Variants in NBEA observed in about 807,000 individuals in gnomAD.
NBEA encodes neurobeachin, also known as lysosomal-trafficking regulator 2.
Under a neutral mutation model 343.4 loss-of-function variants are expected in NBEA, and 44 were observed. That is an observed-to-expected ratio of 0.13 (90% confidence interval 0.10 to 0.16). NBEA has a LOEUF of 0.16. Among genes scored for constraint, NBEA ranks in the 10% least tolerant of loss-of-function variants. NBEA has a pLI of 1.00. For synonymous variants in NBEA, 1,175 were observed against 1,238.7 expected (o/e 0.95, Z 1.08); for missense variants, 2,555 against 3,631.3 (o/e 0.70, Z 7.62).
At chr13:35,388,043 T>G (rs2042327853) in intron 38 of NBEA, among the ~76,000 whole-genome samples, 1 of 152,132 alleles carries the variant, frequency 6.6e-6, no homozygotes, top group Admixed American at 6.6e-5. Context: ...ATGATAGAAT[T>G]TTTTTAAATT....
At chr13:34,978,863 T>C (rs1482057222) in intron 1 of NBEA, among the ~76,000 whole-genome samples, 2 of 152,238 alleles carry the variant, frequency 1.3e-5, no homozygotes, top group African/African-American at 2.4e-5. Flanking sequence ...TCCATTCTTC[T>C]ACTCATGGAA....
At chr13:35,226,097 C>G (rs2074638024) in intron 33 of NBEA, among the ~76,000 whole-genome samples, 2 of 152,104 alleles carry the variant, frequency 1.3e-5, no homozygotes, top group Non-Finnish European at 2.9e-5. Flanking sequence ...TTCTTGATAA[C>G]ACCACCTGTA....
At chr13:35,627,182 G>A (rs979947873) in intron 48 of NBEA, among the ~76,000 whole-genome samples, 2 of 152,122 alleles carry the variant, frequency 1.3e-5, no homozygotes. Flanking sequence ...AGTGACCGCC[G>A]TAATTTAGAA....
chr13:35,600,960 T>C (rs1752511), intron 47 of NBEA, among the ~76,000 whole-genome samples: 76,430 of 152,024 alleles, frequency 0.5, 20,540 homozygotes, highest in Admixed American at 0.63. Context: ...ACAGATCACT[T>C]GAGATCAAGA....
At chr13:35,201,026 A>G (rs2072986694) in intron 31 of NBEA, among the ~76,000 whole-genome samples, 1 of 152,036 alleles carries the variant, frequency 6.6e-6, no homozygotes, top group East Asian at 1.9e-4. Flanking sequence ...TTAAAAAAGT[A>G]TTTTGACCCT....
chr13:35,393,391 T>C (rs546035801), intron 38 of NBEA, among the ~76,000 whole-genome samples: 2 of 152,130 alleles, frequency 1.3e-5, no homozygotes, highest in African/African-American at 4.8e-5. Flanking sequence ...TTCTATGGCA[T>C]AGAATAAATA....
At chr13:35,538,043 TTCA>T (rs1271736312) in intron 41 of NBEA, among the ~76,000 whole-genome samples, 1 of 152,170 alleles carries the variant, frequency 6.6e-6, no homozygotes, top group Non-Finnish European at 1.5e-5. Context: ...GCCAGCCAAA[TTCA>T]TGATAGCATG....
chr13:35,412,240 C>T (rs17068342), intron 38 of NBEA, among the ~76,000 whole-genome samples: 4,521 of 152,174 alleles, frequency 0.03, 104 homozygotes, highest in Non-Finnish European at 0.045. Flanking sequence ...CACAGCATTG[C>T]GGTACTATAT....
intron 36 of NBEA, among the ~76,000 whole-genome samples, chr13:35,323,944 T>C (rs2038360408): frequency 6.6e-6 from 1 of 152,174 alleles, no homozygotes; most frequent in Non-Finnish European, 1.5e-5. Flanking sequence ...TTGTTCTTGG[T>C]TTACTCATTG....
chr13:34,942,302 A>G lies in NBEA; in HGVS notation c.-519A>G, dbSNP rs990474981. 2.6e-5 allele frequency: 4 copies of G among 153,918 alleles called. No homozygotes were observed. Among genetic ancestry groups the G allele is most frequent in the Non-Finnish European group, 5.8e-5 (4 of 69,190 alleles). 9.5% of individuals were successfully genotyped at this position (153,918 alleles called of 1,614,324 possible). ...CTGCTACCGCAGGCAGGGGGCGGCAACATGGCGGAGTGAGCGGCGGCGTCG... is the reference window on the plus strand; with the variant it reads ...CTGCTACCGCAGGCAGGGGGCGGCAGCATGGCGGAGTGAGCGGCGGCGTCG... On this transcript the variant is annotated 5_prime_UTR_variant, in exon 1 of 59. Coordinates refer to ENST00000379939, the MANE Select transcript of NBEA (RefSeq NM_001385012.1).
At chr13:35,486,832 C>T (rs1566208073) in intron 41 of NBEA, among the ~76,000 whole-genome samples, 1 of 151,894 alleles carries the variant, frequency 6.6e-6, no homozygotes, top group Non-Finnish European at 1.5e-5. Flanking sequence ...ATTGATCTAT[C>T]ACATTGGGAG....
chr13:35,110,723 A>T (rs2066160623), intron 12 of NBEA, 87 bp from the exon 13 acceptor site: 3 of 1,072,604 alleles, frequency 2.8e-6, no homozygotes, highest in Admixed American at 5.4e-5. Flanking sequence ...TTACTAATTC[A>T]CATTTAAATT....
In NBEA at chr13:34,950,053, G is replaced by T. The variant is rs79819863; in HGVS notation, c.294+6939G>T. ...CATTCTTTCTGCTGTTAACATTCTC[G>T]ATTTTTTGATACTCTTTTAGGGAGT... is the stretch of plus-strand genomic sequence containing the variant. On this transcript the variant is annotated intron_variant, in intron 1 of 58. Coordinates refer to ENST00000379939, the MANE Select transcript of NBEA (RefSeq NM_001385012.1). 4.9e-3 allele frequency among the ~76,000 whole-genome samples: 751 copies of T among 152,202 alleles called. 6 individuals are homozygous for T. Among genetic ancestry groups the T allele is most frequent in the African/African-American group, 0.017 (704 of 41,524 alleles).
At chr13:35,278,807 T>C (rs1387393361) in intron 34 of NBEA, among the ~76,000 whole-genome samples, 1 of 152,060 alleles carries the variant, frequency 6.6e-6, no homozygotes, top group African/African-American at 2.4e-5. Context: ...AAAACATGAA[T>C]ACTTCGGGCT....
chr13:35,321,154 C>G (rs1212639507), intron 36 of NBEA, among the ~76,000 whole-genome samples: 2 of 151,926 alleles, frequency 1.3e-5, no homozygotes, highest in Non-Finnish European at 2.9e-5. Flanking sequence ...GAGTTGTGAT[C>G]CTTTGGAGAA....
chr13:35,213,542 T>C (rs2073902224), intron 33 of NBEA, among the ~76,000 whole-genome samples: 1 of 151,990 alleles, frequency 6.6e-6, no homozygotes, highest in African/African-American at 2.4e-5. Context: ...AGTGGGGCTA[T>C]ATAGGTCTCT....
intron 1 of NBEA, among the ~76,000 whole-genome samples, chr13:34,986,959 CTT>C (rs1296234430): frequency 6.6e-6 from 1 of 150,820 alleles, no homozygotes; most frequent in East Asian, 1.9e-4. Context: ...GGTCTTGACT[CTT>C]TATATTTGCC....
At chr13:35,611,435 G>A (rs929758672) in intron 48 of NBEA, among the ~76,000 whole-genome samples, 1 of 152,028 alleles carries the variant, frequency 6.6e-6, no homozygotes, top group South Asian at 2.1e-4. Context: ...CATTTTTAAC[G>A]GCTTTATTAA....
chr13:35,165,154 G>GA (rs1232658866), intron 24 of NBEA: 1 of 531,492 alleles, frequency 1.9e-6, no homozygotes, highest in Non-Finnish European at 3.9e-6. Context: ...TTGCCAGAGG[G>GA]AAATATTTCA....
Sources: allele counts gnomAD v4.1 joint callset (sites outside exome capture counted in the v4.1 genomes callset), GRCh38; gene constraint gnomAD v4.1.1; transcripts MANE v1.5; gene names NCBI Gene and HGNC (gene_info 2026-07-23, HGNC 2026-07-21).